The following TMEM161B variants were observed in gnomAD, a reference collection of about 807,000 sequenced individuals.
TMEM161B encodes transmembrane protein 161B.
A neutral mutation model predicts 61.8 loss-of-function variants in TMEM161B; 34 were observed. That is an observed-to-expected ratio of 0.55 (90% confidence interval 0.42 to 0.73). The LOEUF (loss-of-function observed/expected upper bound fraction) is 0.73, where lower values mean the gene tolerates loss of function less well. TMEM161B is among the 30% of genes least tolerant of loss of function. TMEM161B has a pLI of 0.00. For missense variants in TMEM161B, 456 were observed against 558.5 expected (o/e 0.82, Z 1.85); for synonymous variants, 167 against 192.8 (o/e 0.87, Z 1.11).
chr5:88,194,468 T>C (rs1715690301), downstream of TMEM161B, among the ~76,000 whole-genome samples: 1 of 152,092 alleles, frequency 6.6e-6, no homozygotes, highest in Admixed American at 6.6e-5. Flanking sequence ...AGTGCAGGTC[T>C]CTTTTTGATA....
chr5:88,260,324 T>C (rs1755528726), intron 1 of TMEM161B, among the ~76,000 whole-genome samples: 1 of 152,238 alleles, frequency 6.6e-6, no homozygotes, highest in Admixed American at 6.5e-5. Flanking sequence ...TTCAACAGTA[T>C]TTCCAAATTT....
chr5:88,213,162 T>C (rs1382450458), intron 5 of TMEM161B, among the ~76,000 whole-genome samples: 1 of 152,182 alleles, frequency 6.6e-6, no homozygotes. Flanking sequence ...TATATTATAC[T>C]TCACATTCTA....
intron 1 of TMEM161B, among the ~76,000 whole-genome samples, chr5:88,267,391 C>T (rs1756532626): frequency 6.6e-6 from 1 of 151,932 alleles, no homozygotes; most frequent in African/African-American, 2.4e-5. Context: ...GTAAAGTGCA[C>T]CAGGAACTAC....
intron 5 of TMEM161B, among the ~76,000 whole-genome samples, chr5:88,219,991 G>GA (rs985823462): frequency 1.4e-4 from 20 of 147,730 alleles, no homozygotes; most frequent in South Asian, 1.1e-3. Context: ...ATTTCCATGG[G>GA]AAAAAAAAAA....
chr5:88,239,654 G>GT (rs1301439334), intron 2 of TMEM161B, among the ~76,000 whole-genome samples: 1 of 151,824 alleles, frequency 6.6e-6, no homozygotes, highest in African/African-American at 2.4e-5. Context: ...ACACACCTGT[G>GT]TATCACATTG....
rs753781422 is a variant in TMEM161B at position 88,205,863 on chromosome 5, C to T, written c.751G>A (p.Ala251Thr). 1 of 1,612,548 alleles carries T rather than the reference C, an allele frequency of 6.2e-7. No individual in the cohort carries two copies. Among genetic ancestry groups the T allele is most frequent in the Non-Finnish European group, 8.5e-7 (1 of 1,179,314 alleles). Residue 251 changes from alanine (A) to threonine (T), a missense_variant, in exon 8 of 12, where the codon GCT (alanine) becomes ACT (threonine). Ala to Thr is a moderately conservative substitution (Grantham distance 58, BLOSUM62 0). Transcript: ENST00000296595. ...AFLTFPGLRL[A>T]QMHLDALNLA... Reference sequence around the variant, plus strand: ...TTCAGGGCATCCAGATGCATTTGAGCCAGTCGTAATCCAGGAAATGTCAAA... The same window carrying T: ...TTCAGGGCATCCAGATGCATTTGAGTCAGTCGTAATCCAGGAAATGTCAAA...
chr5:88,188,146 C>A (rs116307106), downstream of TMEM161B, among the ~76,000 whole-genome samples: 2,401 of 151,888 alleles, frequency 0.016, 61 homozygotes, highest in African/African-American at 0.055. Flanking sequence ...CTCTTGTTGC[C>A]CAGGCTGGAG....
intron 1 of TMEM161B, among the ~76,000 whole-genome samples, chr5:88,263,048 G>A (rs1048523305): frequency 6.6e-6 from 1 of 151,910 alleles, no homozygotes; most frequent in African/African-American, 2.4e-5. Flanking sequence ...TAAATTTATG[G>A]AAAGATTTAT....
At chr5:88,242,645 T>C (rs1172110306) in intron 1 of TMEM161B, among the ~76,000 whole-genome samples, 1 of 151,754 alleles carries the variant, frequency 6.6e-6, no homozygotes, top group Non-Finnish European at 1.5e-5. Context: ...GTTCCCCTTC[T>C]ATAAAATTGA....
At chr5:88,264,269 C>T (rs780334740) in intron 1 of TMEM161B, among the ~76,000 whole-genome samples, 16 of 151,802 alleles carry the variant, frequency 1.1e-4, no homozygotes, top group Non-Finnish European at 1.6e-4. Flanking sequence ...AAAAAGTAGG[C>T]GAAGGATATG....
chr5:88,252,956 G>A (rs1016076873), intron 1 of TMEM161B, among the ~76,000 whole-genome samples: 2 of 152,114 alleles, frequency 1.3e-5, no homozygotes, highest in African/African-American at 2.4e-5. Flanking sequence ...TTAGAAACAG[G>A]ATGCTTGGTG....
chr5:88,222,987 C>G (rs965024478), intron 4 of TMEM161B, among the ~76,000 whole-genome samples: 2 of 151,892 alleles, frequency 1.3e-5, no homozygotes, highest in Admixed American at 1.3e-4. Context: ...GAACATCTCC[C>G]TGCTATTCTG....
At chr5:88,264,370 A>G (rs748810346) in intron 1 of TMEM161B, among the ~76,000 whole-genome samples, 10 of 152,216 alleles carry the variant, frequency 6.6e-5, no homozygotes, top group Non-Finnish European at 7.3e-5. Context: ...TACAAATCAA[A>G]ACCACAATAA....
At chr5:88,245,547 A>G (rs372553520) in intron 1 of TMEM161B, among the ~76,000 whole-genome samples, 1 of 151,990 alleles carries the variant, frequency 6.6e-6, no homozygotes, top group South Asian at 2.1e-4. Flanking sequence ...CTTCAAGGTC[A>G]TAATTCAGTA....
intron 1 of TMEM161B, among the ~76,000 whole-genome samples, chr5:88,248,563 G>A (rs1028864336): frequency 3.3e-5 from 5 of 151,948 alleles, no homozygotes; most frequent in Non-Finnish European, 1.5e-5. Context: ...GGTTCCATGA[G>A]GAAAACAGAG....
chr5:88,199,834 T>C (rs1744035695), intron 9 of TMEM161B: 1 of 152,146 alleles, frequency 6.6e-6, no homozygotes. Context: ...TAACTTCTGA[T>C]GTCCTTTTGG....
chr5:88,214,502 CT>C (rs1747456875), intron 5 of TMEM161B, among the ~76,000 whole-genome samples: 1 of 151,810 alleles, frequency 6.6e-6, no homozygotes, highest in African/African-American at 2.4e-5. Flanking sequence ...TAAAGTTTTA[CT>C]TCCACCAAAG....
chr5:88,249,378 T>G (rs572806879), intron 1 of TMEM161B, among the ~76,000 whole-genome samples: 15 of 152,310 alleles, frequency 9.8e-5, no homozygotes, highest in African/African-American at 3.6e-4. Flanking sequence ...CACAGTCATT[T>G]TTGAGCTTGC....
At chr5:88,227,725 A>G (rs1018841536) in intron 3 of TMEM161B, among the ~76,000 whole-genome samples, 4 of 152,188 alleles carry the variant, frequency 2.6e-5, no homozygotes, top group African/African-American at 9.7e-5. Flanking sequence ...TTTGTTGTCA[A>G]TCAATCATTT....
Sources: gnomAD v4.1 joint callset for allele counts (sites outside exome capture counted in the v4.1 genomes callset) on GRCh38, gnomAD v4.1.1 for gene constraint, MANE v1.5 for transcripts, NCBI Gene and HGNC (gene_info 2026-07-23, HGNC 2026-07-21) for gene names.